CFAP47: variants seen among roughly 807,000 people sequenced by gnomAD.
CFAP47 encodes cilia- and flagella-associated protein 47.
A neutral mutation model predicts 148.1 loss-of-function variants in CFAP47; 29 were observed. The ratio of observed to expected loss-of-function variants is 0.20; its 90% CI spans 0.15 to 0.27. CFAP47 has a LOEUF of 0.27. CFAP47 is among the 10% of genes least tolerant of loss of function. The pLI, the probability that CFAP47 is intolerant of heterozygous loss-of-function variation, is 1.00. For synonymous variants in CFAP47, 664 were observed against 577.3 expected (o/e 1.15, Z -2.15); for missense variants, 1,872 against 1,697.5 (o/e 1.10, Z -1.81).
At chrX:36,156,625 GT>G (rs746306156) in intron 37 of CFAP47, among the ~76,000 whole-genome samples, 11,255 of 108,042 alleles carry the variant, frequency 0.1, 1,183 homozygotes, top group African/African-American at 0.31. Context: ...TATCAAGGAG[GT>G]TTTTTTTAAA....
chrX:36,326,156 C>T (rs1477505231), intron 57 of CFAP47, among the ~76,000 whole-genome samples: 5 of 111,150 alleles, frequency 4.5e-5, no homozygotes, highest in African/African-American at 1.6e-4. Flanking sequence ...TGCAGTAATA[C>T]CATACTGTCC....
intron 63 of CFAP47, among the ~76,000 whole-genome samples, chrX:36,383,593 G>A (rs1942098806): frequency 9.0e-6 from 1 of 111,232 alleles, no homozygotes; most frequent in Non-Finnish European, 1.9e-5. Flanking sequence ...CCTTGGTTTG[G>A]TCCACTTTTG....
chrX:36,128,202 A>T (rs1303677712), intron 33 of CFAP47, among the ~76,000 whole-genome samples: 1 of 110,995 alleles, frequency 9.0e-6, no homozygotes, highest in Admixed American at 9.7e-5. Context: ...CTATTCTCTT[A>T]GTTCTCTTTG....
intron 30 of CFAP47, among the ~76,000 whole-genome samples, chrX:36,094,745 ATTTG>A (rs199602767): frequency 0.016 from 1,806 of 111,470 alleles, 48 homozygotes; most frequent in African/African-American, 0.056. Context: ...ACTTTACTGA[ATTTG>A]TTTATTATTT....
intron 33 of CFAP47, among the ~76,000 whole-genome samples, chrX:36,136,969 A>G (rs1403389744): frequency 1.8e-5 from 2 of 111,593 alleles, no homozygotes; most frequent in East Asian, 5.6e-4. Context: ...TGCTATAGAA[A>G]TCCTATAGAA....
chrX:35,923,831 G>GTATA lies in CFAP47; in HGVS notation c.250-2174_250-2171dup, dbSNP rs760776173. ...GAGAATCCGTCTGAAAAAAAAAAGT[G>GTATA]TATATATATATATATGTGTGTATAT... On this transcript the variant is annotated intron_variant, in intron 1 of 63. Coordinates refer to ENST00000378653, the MANE Select transcript of CFAP47 (RefSeq NM_001304548.2). 2.0e-4 allele frequency among the ~76,000 whole-genome samples: 18 copies of GTATA among 92,188 alleles called. 1 individual carries two copies. Among genetic ancestry groups the GTATA allele is most frequent in the African/African-American group, 6.9e-4 (15 of 21,592 alleles). The allele number at this position is 92,188 out of a possible 115,157, so 80.1% of individuals were successfully genotyped here.
chrX:36,082,311 A>C (rs1419136852), intron 29 of CFAP47, among the ~76,000 whole-genome samples: 2 of 111,196 alleles, frequency 1.8e-5, no homozygotes, highest in African/African-American at 3.3e-5. Flanking sequence ...GTCTGTTTTC[A>C]GTTCCTAGAA....
intron 57 of CFAP47, among the ~76,000 whole-genome samples, chrX:36,343,884 G>A (rs1450632250): frequency 5.5e-5 from 6 of 109,823 alleles, no homozygotes; most frequent in African/African-American, 6.7e-5. Flanking sequence ...TTGGTTTTTT[G>A]TTCTTGCGAT....
chrX:35,944,206 T>G, intron 3 of CFAP47, among the ~76,000 whole-genome samples: 1 of 111,407 alleles, frequency 9.0e-6, no homozygotes, highest in East Asian at 2.8e-4. Context: ...AACCCAGAAG[T>G]GGTCCTGGGG....
intron 21 of CFAP47, among the ~76,000 whole-genome samples, chrX:36,007,751 A>G (rs1433992927): frequency 8.9e-6 from 1 of 111,969 alleles, no homozygotes; most frequent in East Asian, 2.8e-4. Context: ...AGAGAAGACA[A>G]GTCCAGTATG....
At chrX:36,034,571 C>A (rs1323988275) in intron 23 of CFAP47, among the ~76,000 whole-genome samples, 1 of 111,432 alleles carries the variant, frequency 9.0e-6, no homozygotes. Flanking sequence ...CATGAACACA[C>A]ATATATTTAT....
At chrX:36,167,056 A>C (rs1310834588) in intron 39 of CFAP47, among the ~76,000 whole-genome samples, 1 of 111,618 alleles carries the variant, frequency 9.0e-6, no homozygotes, top group Non-Finnish European at 1.9e-5. Context: ...TCATTGTTTA[A>C]GATTTTTTCT....
At chrX:36,172,680 G>A (rs1939600869) in intron 39 of CFAP47, among the ~76,000 whole-genome samples, 1 of 111,230 alleles carries the variant, frequency 9.0e-6, no homozygotes, top group Non-Finnish European at 1.9e-5. Context: ...GCTTTTTGAT[G>A]TGCTGCTGGA....
At chrX:36,232,797 A>C (rs1239847222) in intron 46 of CFAP47, among the ~76,000 whole-genome samples, 1 of 111,673 alleles carries the variant, frequency 9.0e-6, no homozygotes, top group Non-Finnish European at 1.9e-5. Flanking sequence ...TGTGTCCCAG[A>C]GATTCTGGTA....
At chrX:36,322,595 C>T (rs1556012208) in intron 57 of CFAP47, among the ~76,000 whole-genome samples, 3 of 110,936 alleles carry the variant, frequency 2.7e-5, no homozygotes, top group African/African-American at 9.8e-5. Context: ...CATTTGTGTT[C>T]CATTTTAAGA....
intron 57 of CFAP47, among the ~76,000 whole-genome samples, chrX:36,329,095 C>T (rs1941543389): frequency 9.0e-6 from 1 of 111,238 alleles, no homozygotes; most frequent in Non-Finnish European, 1.9e-5. Flanking sequence ...TGCATCGGCT[C>T]AGTGTATTTC....
chrX:35,965,246 G>C (rs2076518727), intron 8 of CFAP47, among the ~76,000 whole-genome samples: 1 of 111,574 alleles, frequency 9.0e-6, no homozygotes, highest in African/African-American at 3.2e-5. Flanking sequence ...TGATTGGATA[G>C]AGGTTCCCTT....
At chrX:36,079,699 A>G (rs1937936693) in intron 29 of CFAP47, among the ~76,000 whole-genome samples, 1 of 111,809 alleles carries the variant, frequency 8.9e-6, no homozygotes, top group South Asian at 3.7e-4. Flanking sequence ...CAAAGCAACA[A>G]TGGTACTGGG....
At chrX:36,082,874 A>T (rs370456119) in intron 29 of CFAP47, among the ~76,000 whole-genome samples, 3 of 111,820 alleles carry the variant, frequency 2.7e-5, no homozygotes, top group East Asian at 5.6e-4. Flanking sequence ...GTAAAAAAGG[A>T]GATAATGATA....
Sources: allele counts gnomAD v4.1 joint callset (sites outside exome capture counted in the v4.1 genomes callset), GRCh38; gene constraint gnomAD v4.1.1; transcripts MANE v1.5; gene names NCBI Gene and HGNC (gene_info 2026-07-23, HGNC 2026-07-21).